The following TRHDE variants were observed in gnomAD, a reference collection of about 807,000 sequenced individuals.
TRHDE encodes the protein thyrotropin-releasing hormone-degrading ectoenzyme.
A neutral mutation model predicts 125.7 loss-of-function variants in TRHDE; 72 were observed. That is an observed-to-expected ratio of 0.57 (90% CI 0.47 to 0.70). The LOEUF (loss-of-function observed/expected upper bound fraction) is 0.70, where lower values mean the gene tolerates loss of function less well. Among genes scored for constraint, TRHDE ranks in the 30% least tolerant of loss-of-function variants. The pLI is 0.00. For missense variants in TRHDE, 1,110 were observed against 1,327.1 expected (o/e 0.84, Z 2.54); for synonymous variants, 509 against 509.1 (o/e 1.00, Z 0.00).
At chr12:72,180,637 A>G (rs530186743) in intron 2 of TRHDE, among the ~76,000 whole-genome samples, 2 of 152,270 alleles carry the variant, frequency 1.3e-5, no homozygotes, top group African/African-American at 4.8e-5. Context: ...CTGAAGCTAG[A>G]CTATGTTTTT....
intron 6 of TRHDE, among the ~76,000 whole-genome samples, chr12:72,500,308 C>T (rs1592492770): frequency 6.6e-6 from 1 of 152,140 alleles, no homozygotes; most frequent in Non-Finnish European, 1.5e-5. Flanking sequence ...TTTACATGCA[C>T]TAGCCACTTA....
chr12:72,378,814 C>A (rs746491453), intron 3 of TRHDE, among the ~76,000 whole-genome samples: 1 of 152,052 alleles, frequency 6.6e-6, no homozygotes, highest in Admixed American at 6.5e-5. Flanking sequence ...TGGTAATTGT[C>A]GGTCAAATGC....
chr12:72,535,463 A>G (rs1207548862), intron 6 of TRHDE, among the ~76,000 whole-genome samples: 1 of 152,088 alleles, frequency 6.6e-6, no homozygotes, highest in Non-Finnish European at 1.5e-5. Flanking sequence ...TAAATCATAG[A>G]GGACTCCAAG....
intron 1 of TRHDE, among the ~76,000 whole-genome samples, chr12:72,275,182 A>C (rs1879438771): frequency 6.6e-6 from 1 of 152,328 alleles, no homozygotes; most frequent in Non-Finnish European, 1.5e-5. Context: ...TTGGTTCTCT[A>C]ATCCCTGGAC....
intron 2 of TRHDE, among the ~76,000 whole-genome samples, chr12:72,207,702 C>T (rs1310739107): frequency 6.6e-6 from 1 of 152,132 alleles, no homozygotes; most frequent in Non-Finnish European, 1.5e-5. Context: ...CTTCCCTATT[C>T]CTTTGTATAC....
chr12:72,641,663 T>C (rs758252984), intron 15 of TRHDE, among the ~76,000 whole-genome samples: 47 of 152,358 alleles, frequency 3.1e-4, no homozygotes, highest in Non-Finnish European at 5.6e-4. Context: ...ATTGTTGATT[T>C]ATTAGTTGAG....
At position 72,512,465 on chromosome 12, in the gene TRHDE, T is replaced by G. The variant is rs866448337; in HGVS notation, c.1722+12830T>G. 5.7e-5 allele frequency among the ~76,000 whole-genome samples: 8 copies of G among 140,184 alleles called. No individual in the cohort carries two copies. The East Asian group carries it at 1.2e-3, about 21-fold the overall frequency. 92.0% of individuals were successfully genotyped at this position (140,184 alleles called of 152,430 possible). On this transcript the variant is annotated intron_variant, in intron 6 of 18. Coordinates refer to ENST00000261180, the MANE Select transcript of TRHDE (RefSeq NM_013381.3). Reference sequence around the variant, plus strand: ...TTATAATTATATAATTATAATATATTATATAGTTATAATTATATAATAATA... The same window carrying G: ...TTATAATTATATAATTATAATATATGATATAGTTATAATTATATAATAATA...
intron 2 of TRHDE, among the ~76,000 whole-genome samples, chr12:72,333,049 T>C (rs1284037828): frequency 6.6e-6 from 1 of 152,196 alleles, no homozygotes; most frequent in Non-Finnish European, 1.5e-5. Context: ...CAAAGTAAAA[T>C]TAGGAATTTA....
At chr12:72,258,568 T>C (rs1031870523) in intron 2 of TRHDE, among the ~76,000 whole-genome samples, 3 of 152,224 alleles carry the variant, frequency 2.0e-5, no homozygotes, top group African/African-American at 7.2e-5. Context: ...ACAGAAAATT[T>C]ACATGAATGA....
chr12:72,664,841 GA>G lies in TRHDE; in HGVS notation c.*1648del, dbSNP rs1310975570. 1.3e-5 allele frequency: 2 copies of G among 151,934 alleles called. No homozygotes were observed. Among genetic ancestry groups the G allele is most frequent in the African/African-American group, 4.8e-5 (2 of 41,416 alleles). 9.4% of individuals were successfully genotyped at this position (151,934 alleles called of 1,614,324 possible). The stretch of plus-strand genomic sequence containing the variant: ...TTAGTAGAAAAGAGGAGCTATTTCC[GA>G]ATCTATAGAATAAAGTACCACCTAA... On this transcript the variant is annotated 3_prime_UTR_variant, in exon 19 of 19. Coordinates refer to ENST00000261180, the MANE Select transcript of TRHDE (RefSeq NM_013381.3).
chr12:72,473,707 G>A, intron 5 of TRHDE, among the ~76,000 whole-genome samples: 1 of 152,000 alleles, frequency 6.6e-6, no homozygotes, highest in East Asian at 1.9e-4. Flanking sequence ...CTTGAAGAAA[G>A]GTTTTTGTGC....
intron 3 of TRHDE, among the ~76,000 whole-genome samples, chr12:72,404,480 A>G (rs1873182850): frequency 6.6e-6 from 1 of 152,110 alleles, no homozygotes; most frequent in South Asian, 2.1e-4. Flanking sequence ...AAAACACATC[A>G]TAATAAGATT....
chr12:72,446,094 GA>G (rs1875264622), intron 3 of TRHDE, among the ~76,000 whole-genome samples: 1 of 150,964 alleles, frequency 6.6e-6, no homozygotes, highest in African/African-American at 2.4e-5. Context: ...ATCACCTGGG[GA>G]CCTGTCAAAA....
At chr12:72,579,001 G>A (rs1427831232) in intron 12 of TRHDE, among the ~76,000 whole-genome samples, 2 of 96,540 alleles carry the variant, frequency 2.1e-5, no homozygotes, top group Non-Finnish European at 3.7e-5. Context: ...TTTTTTTTAT[G>A]AACAGAAAGT....
chr12:72,620,653 G>C (rs1300381964), intron 13 of TRHDE, among the ~76,000 whole-genome samples: 1 of 152,098 alleles, frequency 6.6e-6, no homozygotes, highest in Non-Finnish European at 1.5e-5. Context: ...GTGTATCTCA[G>C]CTTCATCAAT....
chr12:72,421,390 T>C (rs1050447574), intron 3 of TRHDE, among the ~76,000 whole-genome samples: 2 of 152,150 alleles, frequency 1.3e-5, no homozygotes, highest in Non-Finnish European at 1.5e-5. Flanking sequence ...TGGCTGATGA[T>C]ATGAATAGGT....
chr12:72,291,598 A>C (rs1159210591), intron 2 of TRHDE, among the ~76,000 whole-genome samples: 1 of 152,228 alleles, frequency 6.6e-6, no homozygotes, highest in African/African-American at 2.4e-5. Flanking sequence ...GATTAAAACC[A>C]CTGAAGAAAA....
At chr12:72,637,514 T>C (rs943114905) in intron 15 of TRHDE, among the ~76,000 whole-genome samples, 2 of 152,126 alleles carry the variant, frequency 1.3e-5, no homozygotes, top group East Asian at 1.9e-4. Flanking sequence ...TCAGTTCTGC[T>C]CTGATTTTAG....
At chr12:72,535,503 G>C (rs1868809694) in intron 6 of TRHDE, among the ~76,000 whole-genome samples, 1 of 151,826 alleles carries the variant, frequency 6.6e-6, no homozygotes, top group Non-Finnish European at 1.5e-5. Flanking sequence ...GAAGCAATGG[G>C]GCATTAATTC....
Sources: gnomAD v4.1 joint callset for allele counts (sites outside exome capture counted in the v4.1 genomes callset) on GRCh38, gnomAD v4.1.1 for gene constraint, MANE v1.5 for transcripts, NCBI Gene and HGNC (gene_info 2026-07-23, HGNC 2026-07-21) for gene names.